The following NRG3 variants were observed in gnomAD, a reference collection of about 807,000 sequenced individuals.
The protein encoded by NRG3 is pro-neuregulin-3, membrane-bound isoform.
A neutral mutation model predicts 66.9 loss-of-function variants in NRG3; 31 were observed. The observed-to-expected ratio is 0.46, with a 90% CI of 0.35 to 0.63. NRG3 has a LOEUF of 0.63. NRG3 is among the 20% of genes least tolerant of loss of function. The pLI, the probability that NRG3 is intolerant of heterozygous loss-of-function variation, is 0.00. For missense variants in NRG3, 910 were observed against 878.9 expected (o/e 1.04, Z -0.45); for synonymous variants, 393 against 359.4 (o/e 1.09, Z -1.06).
chr10:82,355,095 A>T lies in NRG3; in HGVS notation c.824-3644A>T, dbSNP rs568830426. On this transcript the variant is annotated intron_variant, in intron 1 of 8. Transcript: ENST00000372141. ...CCATATAGCATAGCCAGCTTAGTGTATTGGACTGTCTTAAAAGTGGCATAG... is the reference window on the plus strand; with the variant it reads ...CCATATAGCATAGCCAGCTTAGTGTTTTGGACTGTCTTAAAAGTGGCATAG... 3.9e-5 allele frequency among the ~76,000 whole-genome samples: 6 copies of T among 152,346 alleles called. No individual in the cohort carries two copies. The South Asian group carries it at 1.2e-3, about 32-fold the overall frequency.
chr10:82,898,927 G>A (rs1165919083), intron 4 of NRG3, among the ~76,000 whole-genome samples: 2 of 151,812 alleles, frequency 1.3e-5, no homozygotes, highest in Non-Finnish European at 2.9e-5. Context: ...TAGCCAGAGG[G>A]TCTCAATCTC....
In NRG3 at chr10:82,197,191, C is replaced by T. The variant is rs556522727; in HGVS notation, c.824-161548C>T. 2.6e-5 allele frequency among the ~76,000 whole-genome samples: 4 copies of T among 152,258 alleles called. No homozygotes were observed. In the South Asian group the frequency reaches 8.3e-4, roughly 32 times the overall value. Reference sequence around the variant, plus strand: ...GGCAGAAACTTCATTGATTCATCTACCTTCAGAATTTCACATAGCACCAGG... The same window carrying T: ...GGCAGAAACTTCATTGATTCATCTATCTTCAGAATTTCACATAGCACCAGG... On this transcript the variant is annotated intron_variant, in intron 1 of 8. Transcript: ENST00000372141.
At chr10:82,848,871 A>G (rs1202429233) in intron 3 of NRG3, among the ~76,000 whole-genome samples, 2 of 152,150 alleles carry the variant, frequency 1.3e-5, no homozygotes, top group African/African-American at 4.8e-5. Context: ...GCCGCCATGT[A>G]AGATGTGCCT....
chr10:81,975,685 A>G (rs974309384), intron 1 of NRG3, among the ~76,000 whole-genome samples: 1 of 152,180 alleles, frequency 6.6e-6, no homozygotes, highest in Non-Finnish European at 1.5e-5. Context: ...AGAGAGAATC[A>G]TGGCCTTCCA....
intron 1 of NRG3, among the ~76,000 whole-genome samples, chr10:82,321,306 G>A (rs1392275212): frequency 4.0e-5 from 6 of 149,096 alleles, no homozygotes; most frequent in Non-Finnish European, 7.4e-5. Context: ...AGGGGTGGGG[G>A]TGGGGGTCAG....
chr10:82,162,824 C>G (rs955255235), intron 1 of NRG3, among the ~76,000 whole-genome samples: 2 of 152,134 alleles, frequency 1.3e-5, no homozygotes, highest in African/African-American at 4.8e-5. Flanking sequence ...CCCTTCATGA[C>G]TCAGTTATTT....
At chr10:82,952,471 CTGTGTGTGTGTGTGTGTGTGTGTG>C (rs60100337) in intron 5 of NRG3, among the ~76,000 whole-genome samples, 1 of 98,790 alleles carries the variant, frequency 1.0e-5, no homozygotes, top group Non-Finnish European at 1.9e-5. Context: ...CTCTCTCTCT[CTGTGTGTGTGTGTGTGTGTGTGTG>C]TGTGTGTGTG....
chr10:82,682,038 A>T (rs896279267), intron 2 of NRG3, among the ~76,000 whole-genome samples: 1 of 152,248 alleles, frequency 6.6e-6, no homozygotes, highest in African/African-American at 2.4e-5. Context: ...AAAGGCACTG[A>T]TAGCTCTCAA....
intron 2 of NRG3, among the ~76,000 whole-genome samples, chr10:82,567,059 C>A (rs2045453582): frequency 1.3e-5 from 2 of 151,974 alleles, no homozygotes; most frequent in African/African-American, 4.8e-5. Flanking sequence ...TCTCCACCAT[C>A]TAAACCCACA....
intron 1 of NRG3, among the ~76,000 whole-genome samples, chr10:82,054,994 A>G (rs558389744): frequency 6.6e-6 from 1 of 151,978 alleles, no homozygotes. Context: ...CCTGGGTGAC[A>G]GCACAAGACT....
intron 2 of NRG3, among the ~76,000 whole-genome samples, chr10:82,422,211 C>T (rs1590071881): frequency 6.6e-6 from 1 of 151,732 alleles, no homozygotes; most frequent in South Asian, 2.1e-4. Flanking sequence ...GACATAAGCT[C>T]AGGATATTAA....
chr10:82,756,430 T>A (rs2059080860), intron 3 of NRG3, among the ~76,000 whole-genome samples: 1 of 152,166 alleles, frequency 6.6e-6, no homozygotes, highest in Admixed American at 6.6e-5. Flanking sequence ...ATGCTTAACA[T>A]ATTCAAATTA....
chr10:82,593,179 C>T (rs1056951355), intron 2 of NRG3, among the ~76,000 whole-genome samples: 2 of 152,128 alleles, frequency 1.3e-5, no homozygotes, highest in Non-Finnish European at 2.9e-5. Flanking sequence ...CAGCTCATCA[C>T]ATAATAAGAG....
At chr10:82,191,258 AG>A (rs1423667285) in intron 1 of NRG3, among the ~76,000 whole-genome samples, 1 of 152,200 alleles carries the variant, frequency 6.6e-6, no homozygotes, top group Non-Finnish European at 1.5e-5. Context: ...TCTATAAAAT[AG>A]GGCAAAGTTC....
intron 2 of NRG3, among the ~76,000 whole-genome samples, chr10:82,406,305 T>C (rs958295911): frequency 6.6e-6 from 1 of 152,150 alleles, no homozygotes; most frequent in Non-Finnish European, 1.5e-5. Flanking sequence ...ATAGAACTTA[T>C]GGGAAATAAT....
intron 7 of NRG3, among the ~76,000 whole-genome samples, chr10:82,975,656 A>G (rs1852183027): frequency 6.6e-6 from 1 of 152,238 alleles, no homozygotes; most frequent in Non-Finnish European, 1.5e-5. Context: ...TTTGTTTTGT[A>G]AAACATGCAA....
At chr10:82,516,165 T>C (rs1845633040) in intron 2 of NRG3, among the ~76,000 whole-genome samples, 1 of 152,040 alleles carries the variant, frequency 6.6e-6, no homozygotes. Context: ...TGTGTATGTG[T>C]GTGTATGTGC....
In NRG3 at chr10:82,070,985, A is replaced by C. The variant is rs374753957; in HGVS notation, c.823+194822A>C. On this transcript the variant is annotated intron_variant, in intron 1 of 8. Coordinates refer to ENST00000372141, the MANE Select transcript of NRG3 (RefSeq NM_001010848.4). ...ACATGTATGCAGTTATTTGTGCTAC[A>C]TAATTATTTATAATGGTGAAATATC... Among the ~76,000 whole-genome samples, 3 of 152,330 alleles carry C rather than the reference A, an allele frequency of 2.0e-5. No homozygotes were observed. In the South Asian group the frequency reaches 6.2e-4, roughly 32 times the overall value.
In NRG3 at chr10:82,416,622, A is replaced by G. The variant is rs149292230; in HGVS notation, c.953+57754A>G. On this transcript the variant is annotated intron_variant, in intron 2 of 8. Coordinates refer to ENST00000372141, the MANE Select transcript of NRG3 (RefSeq NM_001010848.4). Reference sequence around the variant, plus strand: ...GTTCTTTGCTGTCATTGGTAGACACATAGAGCCCTCCTGTCTGCTTTAGTC... The same window carrying G: ...GTTCTTTGCTGTCATTGGTAGACACGTAGAGCCCTCCTGTCTGCTTTAGTC... Among the ~76,000 whole-genome samples, 566 of 152,240 alleles carry G rather than the reference A, an allele frequency of 3.7e-3. 1 individual carries two copies. Among genetic ancestry groups the G allele is most frequent in the African/African-American group, 0.013 (536 of 41,558 alleles).
Sources: gnomAD v4.1 joint callset for allele counts (sites outside exome capture counted in the v4.1 genomes callset) on GRCh38, gnomAD v4.1.1 for gene constraint, MANE v1.5 for transcripts, NCBI Gene and HGNC (gene_info 2026-07-23, HGNC 2026-07-21) for gene names.